Variants in PEG3 observed in about 807,000 individuals in gnomAD.
PEG3 encodes the protein paternally-expressed gene 3 protein.
PEG3 carries 23 observed loss-of-function variants against 35.5 expected under a neutral mutation model. That is an observed-to-expected ratio of 0.65 (90% confidence interval 0.47 to 0.92). The LOEUF is 0.92. PEG3 is among the 40% of genes least tolerant of loss of function. PEG3 has a pLI of 0.00. For missense variants in PEG3, 1,960 were observed against 1,985.3 expected (o/e 0.99, Z 0.24); for synonymous variants, 707 against 697.0 (o/e 1.01, Z -0.23).
chr19:56,818,724 T>A (rs1449523187), intron 7 of PEG3, 22 bp from the exon 8 acceptor site: 1 of 1,606,776 alleles, frequency 6.2e-7, no homozygotes, highest in South Asian at 1.1e-5. Context: ...AACACAGACC[T>A]CTCAATGGAG....
intron 2 of PEG3, among the ~76,000 whole-genome samples, chr19:56,832,040 C>G (rs1204678064): frequency 6.6e-6 from 1 of 152,120 alleles, no homozygotes; most frequent in East Asian, 1.9e-4. Context: ...TGGAAGAAAA[C>G]TCACATAAAC....
chr19:56,819,141 T>C (rs1456349635), intron 7 of PEG3, among the ~76,000 whole-genome samples: 1 of 151,908 alleles, frequency 6.6e-6, no homozygotes, highest in Non-Finnish European at 1.5e-5. Context: ...AAGGGATTGG[T>C]GGGAAAACTT....
chr19:56,810,563 AGTAT>A lies in PEG3; in HGVS notation c.*3108_*3111del, dbSNP rs1438377288. The A allele has an allele frequency of 2.1e-6, 2 of 937,408 alleles. No individual in the cohort carries two copies. Among genetic ancestry groups the A allele is most frequent in the Non-Finnish European group, 2.5e-6 (2 of 786,308 alleles). The allele number at this position is 937,408 out of a possible 1,614,324, so 58.1% of individuals were successfully genotyped here. On this transcript the variant is annotated 3_prime_UTR_variant, in exon 10 of 10. Transcript: ENST00000326441. Reference sequence around the variant, plus strand: ...TACTGAATTTCCAAAGTTTTGTATGAGTATGTATTATATTTGTAATGGAAAATAC... The same window carrying A: ...TACTGAATTTCCAAAGTTTTGTATGAGTATTATATTTGTAATGGAAAATAC...
At chr19:56,823,495 G>C (rs374550180) in intron 5 of PEG3, 98 bp downstream of exon 5, 5 of 1,416,080 alleles carry the variant, frequency 3.5e-6, no homozygotes, top group Middle Eastern at 2.1e-4. Flanking sequence ...CGGGGATGGC[G>C]GGTCATCTTC....
Position 56,816,316 on chromosome 19 carries a change from C to T in PEG3, c.2126G>A (p.Arg709Gln), listed in dbSNP as rs754147449. 49 of 1,613,966 alleles carry T rather than the reference C, an allele frequency of 3.0e-5. No individual in the cohort carries two copies. Among genetic ancestry groups the T allele is most frequent in the Admixed American group, 1.2e-4 (7 of 59,998 alleles). Residue 709 changes from arginine to glutamine, a missense_variant, in exon 10 of 10, where the codon CGA becomes CAA. Around this residue, in one of 5 missense-constraint regions of PEG3, gnomAD observed 798 missense variants for 782.4 expected, o/e 1.02. Coordinates refer to ENST00000326441, the MANE Select transcript of PEG3 (RefSeq NM_006210.3). ...ELSEHQKIHSRKNLFEGRGYE... is the reference protein window; with the variant it reads ...ELSEHQKIHSQKNLFEGRGYE... Reference sequence around the variant, plus strand: ...CCCTCTGCCTTCAAAGAGGTTCTTTCGAGAATGAATTTTCTGATGCTCACT... The same window carrying T: ...CCCTCTGCCTTCAAAGAGGTTCTTTTGAGAATGAATTTTCTGATGCTCACT...
rs757507442 is a variant in PEG3, at chr19:56,811,896, G to T, written c.*1779C>A. 1 of 984,864 alleles carries T rather than the reference G, an allele frequency of 1.0e-6. No homozygotes were observed. The highest frequency in any genetic ancestry group is 1.2e-6 in the Non-Finnish European group (1 of 829,640). The allele number at this position is 984,864 out of a possible 1,614,324, so 61.0% of individuals were successfully genotyped here. ...TCTGTCTGTCTCCTCTCCCCTCCTA[G>T]ATCTGGTGATATATTAGGACTCCCT... On this transcript the variant is annotated 3_prime_UTR_variant, in exon 10 of 10. Coordinates refer to ENST00000326441, the MANE Select transcript of PEG3 (RefSeq NM_006210.3).
At position 56,816,585 on chromosome 19, in the gene PEG3, T is replaced by C; in HGVS notation, c.1857A>G (p.Lys619=). The part of the protein sequence containing the change: ...RPSPALNEFQ[K]MYGKEKMYEC... ...CGTACATTTTCTCTTTACCATACAT[T>C]TTCTGAAACTCATTAAGGGCTGGGC... The change falls in exon 10 of 10, where the codon AAA becomes AAG. Residue 619 remains lysine (K), a synonymous_variant. Transcript: ENST00000326441. The C allele has an allele frequency of 2.5e-6, 4 of 1,613,980 alleles. No individual in the cohort carries two copies. Among genetic ancestry groups the C allele is most frequent in the Non-Finnish European group, 3.4e-6 (4 of 1,179,938 alleles).
chr19:56,814,193 C>G lies in PEG3; in HGVS notation c.4249G>C (p.Glu1417Gln), dbSNP rs1600887206. Residue 1417 changes from glutamate to glutamine, a missense_variant, in exon 10 of 10, where the codon GAG (glutamate) becomes CAG (glutamine). Glu to Gln is a conservative substitution (Grantham distance 29). Coordinates refer to ENST00000326441, the MANE Select transcript of PEG3 (RefSeq NM_006210.3). The surrounding 1 kb of genome is among the most constrained non-coding windows in gnomAD (Gnocchi z 5.8). ...GGCCCTTCAGCCTCTCCGTTTGGCT[C>G]AGCAGCCTCCACTTCTGGCTCAGCA... ...EAAEPEVEAA[E>Q]PNGEAEGPDG... The G allele has an allele frequency of 1.2e-6, 2 of 1,611,720 alleles. No homozygotes were observed. Among genetic ancestry groups the G allele is most frequent in the Non-Finnish European group, 1.7e-6 (2 of 1,178,390 alleles).
intron 2 of PEG3, 40 bp downstream of exon 2, chr19:56,835,977 CA>C (rs2062061504): frequency 2.0e-6 from 1 of 501,100 alleles, no homozygotes; most frequent in East Asian, 5.7e-5. Context: ...GTGGTCACTC[CA>C]AAGATGAATG....
At chr19:56,835,724 A>AGT (rs1222201738) in intron 2 of PEG3, among the ~76,000 whole-genome samples, 2 of 152,218 alleles carry the variant, frequency 1.3e-5, no homozygotes, top group Admixed American at 6.5e-5. Context: ...TTCACAAATG[A>AGT]GTGGATGAAT....
rs372724937 is a variant in PEG3, at chr19:56,814,764, T to C, written c.3678A>G (p.Arg1226=). The C allele has an allele frequency of 2.3e-5, 37 of 1,614,114 alleles. No homozygotes were observed. In the African/African-American group the frequency reaches 3.9e-4, roughly 17 times the overall value. The stretch of plus-strand genomic sequence containing the variant: ...TGAAGCCTTGTCCACACAAAAGGCA[T>C]CGAATGGCCGACCCAGCAAGAGCAG... ...RNPALAGSAI[R]CLLCGQGFIH... The change falls in exon 10 of 10, where the codon CGA becomes CGG. Residue 1226 remains arginine (R), a synonymous_variant. Coordinates refer to ENST00000326441, the MANE Select transcript of PEG3 (RefSeq NM_006210.3). The surrounding 1 kb of genome is among the most constrained non-coding windows in gnomAD (Gnocchi z 5.8).
Position 56,815,891 on chromosome 19 carries a change from C to T in PEG3, c.2551G>A (p.Glu851Lys). 1 of 1,613,114 alleles carries T rather than the reference C, an allele frequency of 6.2e-7. No homozygotes were observed. Among genetic ancestry groups the T allele is most frequent in the Non-Finnish European group, 8.5e-7 (1 of 1,179,424 alleles). The change falls in exon 10 of 10, where the codon GAA (glutamate) becomes AAA (lysine). Residue 851 changes from glutamate (E) to lysine (K), a missense_variant. Glu to Lys is a moderately conservative substitution (Grantham distance 56). Transcript: ENST00000326441. ...CCCTTCTCATTAGATTCCACCAATT[C>T]ATTTCCATTGTGACTTCTTGGAGGT... ...SKPPRSHNGN[E>K]LVESNEKGES...
chr19:56,837,604 G>A (rs1055032324), intron 1 of PEG3, among the ~76,000 whole-genome samples: 1 of 152,248 alleles, frequency 6.6e-6, no homozygotes, highest in Non-Finnish European at 1.5e-5. Context: ...CAGCCATGAG[G>A]GCACGCTGCC....
At position 56,812,851 on chromosome 19, in the gene PEG3, A is replaced by G; in HGVS notation, c.*824T>C. The stretch of plus-strand genomic sequence containing the variant: ...AAAAAAACCCAGAACACAAATGTGT[A>G]ATATTTTTGCATGAGAACCACTTCA... On this transcript the variant is annotated 3_prime_UTR_variant, in exon 10 of 10. Transcript: ENST00000326441. The G allele has an allele frequency of 1.0e-6, 1 of 985,070 alleles. No individual in the cohort carries two copies. The allele number at this position is 985,070 out of a possible 1,614,324, so 61.0% of individuals were successfully genotyped here.
Position 56,814,287 on chromosome 19 carries a change from C to T in PEG3, c.4155G>A (p.Leu1385=). 1 of 1,613,810 alleles carries T rather than the reference C, an allele frequency of 6.2e-7. No individual in the cohort carries two copies. Among genetic ancestry groups the T allele is most frequent in the South Asian group, 1.1e-5 (1 of 90,954 alleles). The change falls in exon 10 of 10, where the codon CTG becomes CTA. Residue 1385 remains leucine (L), a synonymous_variant. Transcript: ENST00000326441. The surrounding 1 kb of genome is among the most constrained non-coding windows in gnomAD (Gnocchi z 5.8). ...EANVHVPQVV[L]RIQGLNVEAA... The stretch of plus-strand genomic sequence containing the variant: ...CCTCTACGTTTAAGCCCTGAATCCT[C>T]AGAACTACTTGTGGAACATGGACAT...
intron 6 of PEG3, 96 bp downstream of exon 6, chr19:56,822,657 C>G: frequency 1.3e-6 from 2 of 1,504,770 alleles, no homozygotes; most frequent in East Asian, 2.4e-5. Context: ...CCAAATGGAG[C>G]AGCAGAAACT....
chr19:56,816,322 T>C lies in PEG3; in HGVS notation c.2120A>G (p.His707Arg). Reference protein sequence around the residue: ...SSELSEHQKIHSRKNLFEGRG... With the variant: ...SSELSEHQKIRSRKNLFEGRG... ...GCCTTCAAAGAGGTTCTTTCGAGAA[T>C]GAATTTTCTGATGCTCACTGAGCTC... The change falls in exon 10 of 10, where the codon CAT becomes CGT. Residue 707 changes from histidine (H) to arginine (R), a missense_variant. By Grantham distance (29) the His-to-Arg change is conservative (BLOSUM62 0). Transcript: ENST00000326441. 6.2e-7 allele frequency: 1 copy of C among 1,614,160 alleles called. No individual in the cohort carries two copies. Among genetic ancestry groups the C allele is most frequent in the African/African-American group, 1.3e-5 (1 of 75,050 alleles).
Position 56,813,925 on chromosome 19 carries a change from T to C in PEG3, c.4517A>G (p.Asp1506Gly). ...GAAGGTTTCTGTGCATTCATGGCAG[T>C]CATAGTATGGTTCTTCTACCTGAAT... ...QEIQVEEPYY[D>G]CHECTETFTS... Residue 1506 changes from aspartate to glycine, a missense_variant, in exon 10 of 10, where the codon GAC becomes GGC. Coordinates refer to ENST00000326441, the MANE Select transcript of PEG3 (RefSeq NM_006210.3). 1 of 1,614,186 alleles carries C rather than the reference T, an allele frequency of 6.2e-7. No individual in the cohort carries two copies. The highest frequency in any genetic ancestry group is 8.5e-7 in the Non-Finnish European group (1 of 1,180,016).
In PEG3 at chr19:56,832,100, T is replaced by A. The variant is rs76906492; in HGVS notation, c.-163+3918A>T. 5.3e-3 allele frequency among the ~76,000 whole-genome samples: 802 copies of A among 152,340 alleles called. 13 individuals carry two copies. Among genetic ancestry groups the A allele is most frequent in the African/African-American group, 0.018 (769 of 41,570 alleles). On this transcript the variant is annotated intron_variant, in intron 2 of 9. Coordinates refer to ENST00000326441, the MANE Select transcript of PEG3 (RefSeq NM_006210.3). The stretch of plus-strand genomic sequence containing the variant: ...AGAGGAAATCTATCAGAATAAATGA[T>A]TAATAATAACAAGTCTCTGTTTCTT...
Sources: gnomAD v4.1 joint callset for allele counts (sites outside exome capture counted in the v4.1 genomes callset) on GRCh38, gnomAD v4.1.1 for gene constraint, gnomAD v4.1.1 regional missense constraint, Gnocchi (gnomAD v3.1) non-coding constraint, MANE v1.5 for transcripts, NCBI Gene and HGNC (gene_info 2026-07-23, HGNC 2026-07-21) for gene names.